IL7: variants seen among roughly 807,000 people sequenced by gnomAD.
IL7 encodes the protein interleukin-7.
Under a neutral mutation model 21.6 loss-of-function variants are expected in IL7, and 3 were observed. That is an observed-to-expected ratio of 0.14 (90% CI 0.06 to 0.36). The LOEUF (loss-of-function observed/expected upper bound fraction) is 0.36. Among genes scored for constraint, IL7 ranks in the 10% least tolerant of loss-of-function variants. IL7 has a pLI of 1.00. For synonymous variants in IL7, 62 were observed against 68.1 expected, an observed-to-expected ratio of 0.91 and a Z score of 0.44; for missense variants, 175 against 200.2, an observed-to-expected ratio of 0.87 and a Z score of 0.76.
chr8:78,715,256 G>A, downstream of IL7: 2 of 1,613,796 alleles, frequency 1.2e-6, no homozygotes, highest in Non-Finnish European at 1.7e-6. Flanking sequence ...ACACCACCTA[G>A]TTTGGCAAGA....
chr8:78,675,666 C>G, downstream of IL7: 1 of 867,250 alleles, frequency 1.2e-6, no homozygotes, highest in South Asian at 1.9e-5. Flanking sequence ...TTTCAAAATG[C>G]AGTAAAACAT....
At chr8:78,705,287 T>C (rs1810734524) in intron 3 of IL7, among the ~76,000 whole-genome samples, 1 of 152,194 alleles carries the variant, frequency 6.6e-6, no homozygotes, top group Non-Finnish European at 1.5e-5. Flanking sequence ...TGCTTACCTT[T>C]GGATGGGTTT....
At chr8:78,743,421 A>T (rs967944670) in intron 2 of IL7, among the ~76,000 whole-genome samples, 1 of 151,148 alleles carries the variant, frequency 6.6e-6, no homozygotes, top group African/African-American at 2.4e-5. Flanking sequence ...CTTTTTAATT[A>T]TAGCCATTCT....
At chr8:78,709,928 T>A (rs188074761) in intron 3 of IL7, among the ~76,000 whole-genome samples, 3 of 152,238 alleles carry the variant, frequency 2.0e-5, no homozygotes, top group Admixed American at 2.0e-4. Context: ...ATCATCTTTT[T>A]GTTATATCTC....
At chr8:78,755,091 C>T (rs1016016032) in intron 2 of IL7, among the ~76,000 whole-genome samples, 1 of 152,042 alleles carries the variant, frequency 6.6e-6, no homozygotes, top group Non-Finnish European at 1.5e-5. Context: ...AAGAGACCAT[C>T]ATTTTCCCAT....
chr8:78,738,637 T>C lies in IL7; in HGVS notation c.229-2A>G, dbSNP rs1811675396. ...AGCACGGAATAAAAACATACCTTCC[T>C]ATTATAGGAAAAAGTCAGAAGGGCC... On this transcript the variant is annotated splice_acceptor_variant, in intron 3 of 5. Transcript: ENST00000263851. LOFTEE classifies it high-confidence loss of function. 6.2e-7 allele frequency: 1 copy of C among 1,611,486 alleles called. No homozygotes were observed. The highest frequency in any genetic ancestry group is 1.3e-5 in the African/African-American group (1 of 74,720).
downstream of IL7, among the ~76,000 whole-genome samples, chr8:78,675,073 T>C (rs1004648640): frequency 4.0e-5 from 6 of 151,630 alleles, no homozygotes; most frequent in East Asian, 1.2e-3. Flanking sequence ...TTTTTGTAGT[T>C]TCTTTTTTTT....
intron 2 of IL7, among the ~76,000 whole-genome samples, chr8:78,742,764 T>C (rs1005165702): frequency 6.6e-6 from 1 of 152,228 alleles, no homozygotes; most frequent in Non-Finnish European, 1.5e-5. Context: ...GGGGTACAAG[T>C]GCAGGTTTGT....
At chr8:78,686,524 A>G in intron 3 of IL7, 1 of 1,553,944 alleles carries the variant, frequency 6.4e-7, no homozygotes, top group Non-Finnish European at 8.7e-7. Context: ...ATTCATTGCT[A>G]CCATAAGAGC....
chr8:78,804,923 G>A lies in IL7; in HGVS notation c.-1C>T. 6.2e-7 allele frequency: 1 copy of A among 1,612,528 alleles called. No homozygotes were observed. The highest frequency in any genetic ancestry group is 1.1e-5 in the South Asian group (1 of 90,898). ...GAGAAGAGCGCTTACCATGGAACATGGTCTGCGGGAGGCGGGCGTAGTCAT... is the reference window on the plus strand; with the variant it reads ...GAGAAGAGCGCTTACCATGGAACATAGTCTGCGGGAGGCGGGCGTAGTCAT... On this transcript the variant is annotated 5_prime_UTR_variant, in exon 1 of 6. Transcript: ENST00000263851.
intron 3 of IL7, among the ~76,000 whole-genome samples, chr8:78,721,992 C>G (rs544682536): frequency 6.6e-6 from 1 of 151,656 alleles, no homozygotes; most frequent in Non-Finnish European, 1.5e-5. Context: ...TTTCAAATAA[C>G]GTTTGTATAT....
At chr8:78,753,992 CA>C (rs1008009534) in intron 2 of IL7, among the ~76,000 whole-genome samples, 125 of 152,142 alleles carry the variant, frequency 8.2e-4, no homozygotes, top group Middle Eastern at 3.4e-3. Context: ...TGGTACAAAA[CA>C]AGGATGCCCT....
chr8:78,710,431 G>A (rs2130599490), intron 3 of IL7, among the ~76,000 whole-genome samples: 1 of 151,948 alleles, frequency 6.6e-6, no homozygotes, highest in Middle Eastern at 3.4e-3. Context: ...TGTTTCCATT[G>A]GATAATTACC....
intron 2 of IL7, chr8:78,761,784 C>T: frequency 1.2e-6 from 2 of 1,612,018 alleles, no homozygotes; most frequent in Non-Finnish European, 1.7e-6. Flanking sequence ...TTTCTCAGAA[C>T]CTCTTCACCA....
intron 2 of IL7, chr8:78,760,321 G>A (rs935454572): frequency 8.7e-6 from 14 of 1,607,522 alleles, no homozygotes; most frequent in East Asian, 2.2e-5. Flanking sequence ...GCTTTAAGAC[G>A]CTTTCATCCA....
intron 2 of IL7, among the ~76,000 whole-genome samples, chr8:78,759,427 AC>A (rs1005406219): frequency 2.7e-5 from 4 of 150,516 alleles, no homozygotes; most frequent in African/African-American, 9.9e-5. Flanking sequence ...GAAAAAAAAA[AC>A]CAGACAAATC....
intron 4 of IL7, among the ~76,000 whole-genome samples, chr8:78,684,881 C>T (rs1809913755): frequency 6.6e-6 from 1 of 152,026 alleles, no homozygotes. Flanking sequence ...AAATATATCC[C>T]ATATTCTTGT....
chr8:78,718,148 A>G (rs1448460573), intron 6 of IL7: 3 of 152,074 alleles, frequency 2.0e-5, no homozygotes, highest in Non-Finnish European at 2.9e-5. Context: ...AAGACTAAAA[A>G]TACAAATCTA....
intron 2 of IL7, among the ~76,000 whole-genome samples, chr8:78,742,478 A>T (rs910252106): frequency 6.6e-6 from 1 of 152,190 alleles, no homozygotes; most frequent in Non-Finnish European, 1.5e-5. Flanking sequence ...CTAGTATAAA[A>T]CATGACATTG....
Sources: gnomAD v4.1 joint callset for allele counts (sites outside exome capture counted in the v4.1 genomes callset) on GRCh38, gnomAD v4.1.1 for gene constraint, MANE v1.5 for transcripts, NCBI Gene and HGNC (gene_info 2026-07-23, HGNC 2026-07-21) for gene names.